The following CALCR variants were observed in gnomAD, a reference collection of about 807,000 sequenced individuals.
CALCR encodes the protein calcitonin receptor.
Under a neutral mutation model 59.5 loss-of-function variants are expected in CALCR, and 47 were observed. The observed-to-expected ratio is 0.79, with a 90% confidence interval of 0.63 to 1.01. CALCR has a LOEUF of 1.01. Ranked by LOEUF, CALCR falls within the 50% of genes least tolerant of loss-of-function variation. The pLI, the probability that CALCR is intolerant of heterozygous loss-of-function variation, is 0.00. For synonymous variants in CALCR, 213 were observed against 211.3 expected (o/e 1.01, Z -0.07); for missense variants, 566 against 597.1 (o/e 0.95, Z 0.54).
At chr7:93,515,403 G>A (rs919779484) in intron 2 of CALCR, among the ~76,000 whole-genome samples, 15 of 152,008 alleles carry the variant, frequency 9.9e-5, no homozygotes, top group African/African-American at 1.4e-4. Flanking sequence ...GGGACCTTTC[G>A]TTTTGACCAA....
chr7:93,568,509 TTCTCTCTCTCTCTCTCTCTC>T lies in CALCR; in HGVS notation c.-27+5760_-27+5779del, dbSNP rs4015269. Among the ~76,000 whole-genome samples the T allele has an allele frequency of 7.7e-3, 784 of 102,432 alleles. 13 individuals are homozygous for T. The highest frequency in any genetic ancestry group is 0.029 in the African/African-American group (722 of 25,090). The allele number at this position is 102,432 out of a possible 152,430, so 67.2% of individuals were successfully genotyped here. ...CCTCCCTGGTTTCCATAAAATTACTTTCTCTCTCTCTCTCTCTCTCTCTCTCTCTCTCTCTCTCTCTCTCT... is the reference window on the plus strand; with the variant it reads ...CCTCCCTGGTTTCCATAAAATTACTTTCTCTCTCTCTCTCTCTCTCTCTCT... On this transcript the variant is annotated intron_variant, in intron 2 of 13. Coordinates refer to ENST00000426151, the MANE Select transcript of CALCR (RefSeq NM_001742.4).
intron 2 of CALCR, among the ~76,000 whole-genome samples, chr7:93,505,181 A>C (rs2116018834): frequency 6.6e-6 from 1 of 152,308 alleles, no homozygotes; most frequent in Non-Finnish European, 1.5e-5. Context: ...AAGCCTATAA[A>C]AACTCAGTAG....
At chr7:93,462,014 G>C (rs1584554673) in intron 7 of CALCR, 1 of 1,090,522 alleles carries the variant, frequency 9.2e-7, no homozygotes, top group Middle Eastern at 2.0e-4. Flanking sequence ...ATTTTGAAAA[G>C]GAAATTCTGG....
chr7:93,523,010 A>C (rs1182594239), intron 2 of CALCR, among the ~76,000 whole-genome samples: 2 of 152,160 alleles, frequency 1.3e-5, no homozygotes, highest in East Asian at 3.8e-4. Flanking sequence ...TATTAAAGTT[A>C]ATGTTTTAAA....
At position 93,464,332 on chromosome 7, in the gene CALCR, T is replaced by C. The variant is rs191672609; in HGVS notation, c.522-3385A>G. 1.9e-3 allele frequency among the ~76,000 whole-genome samples: 283 copies of C among 152,086 alleles called. 1 individual carries two copies. Among genetic ancestry groups the C allele is most frequent in the African/African-American group, 6.6e-3 (272 of 41,524 alleles). ...ATAGTCACATTCAAAGCAAACAAAG[T>C]AGCAAAAAGAAAACAAGTAAAAGTT... On this transcript the variant is annotated intron_variant, in intron 7 of 13. Transcript: ENST00000426151.
intron 2 of CALCR, among the ~76,000 whole-genome samples, chr7:93,490,144 C>T (rs965641898): frequency 1.3e-5 from 2 of 151,856 alleles, no homozygotes; most frequent in Admixed American, 1.3e-4. Context: ...ATAAACAGAA[C>T]CCAAGACAAA....
At chr7:93,454,028 A>T (rs1800159876) in intron 8 of CALCR, among the ~76,000 whole-genome samples, 1 of 152,028 alleles carries the variant, frequency 6.6e-6, no homozygotes, top group Admixed American at 6.6e-5. Flanking sequence ...TTTCGTTCCC[A>T]ATCTAGTTTT....
intron 13 of CALCR, among the ~76,000 whole-genome samples, chr7:93,432,109 T>C (rs1481017441): frequency 6.6e-6 from 1 of 152,212 alleles, no homozygotes; most frequent in Non-Finnish European, 1.5e-5. Context: ...ACTCTCTATA[T>C]AATTCATTTT....
chr7:93,532,713 A>G (rs1271328963), intron 2 of CALCR, among the ~76,000 whole-genome samples: 2 of 151,744 alleles, frequency 1.3e-5, no homozygotes, highest in African/African-American at 4.8e-5. Flanking sequence ...ATTGTGGCCT[A>G]TGGAAGCAAT....
chr7:93,454,917 TGTGTG>T (rs1800179621), intron 8 of CALCR, among the ~76,000 whole-genome samples: 6 of 17,310 alleles, frequency 3.5e-4, no homozygotes, highest in African/African-American at 1.1e-3. Flanking sequence ...CAGGGCATTT[TGTGTG>T]TGTGTGTGTG....
At chr7:93,433,088 T>C (rs1441934776) in intron 13 of CALCR, among the ~76,000 whole-genome samples, 2 of 152,070 alleles carry the variant, frequency 1.3e-5, no homozygotes, top group Non-Finnish European at 2.9e-5. Flanking sequence ...ATGTAATAAC[T>C]AAAATGGAGA....
intron 2 of CALCR, among the ~76,000 whole-genome samples, chr7:93,525,137 C>CA (rs138438965): frequency 0.088 from 13,026 of 147,188 alleles, 617 homozygotes; most frequent in African/African-American, 0.1. Context: ...CTCAGGGAAA[C>CA]AAAAAATGAT....
chr7:93,489,534 A>C (rs1801027428), intron 2 of CALCR, among the ~76,000 whole-genome samples: 1 of 151,752 alleles, frequency 6.6e-6, no homozygotes, highest in African/African-American at 2.4e-5. Flanking sequence ...CTAATAAAGA[A>C]GAAAAGAGAG....
At chr7:93,537,275 C>A (rs1004223632) in intron 2 of CALCR, among the ~76,000 whole-genome samples, 1 of 151,714 alleles carries the variant, frequency 6.6e-6, no homozygotes, top group African/African-American at 2.4e-5. Context: ...TCATTGCCAC[C>A]ATCTTCTAAT....
chr7:93,468,669 T>C, intron 7 of CALCR, 46 bp downstream of exon 7: 1 of 1,337,460 alleles, frequency 7.5e-7, no homozygotes, highest in Non-Finnish European at 1.1e-6. Context: ...TTCGTTTCAG[T>C]AACTTAAAGG....
chr7:93,550,912 C>A (rs1350024984), intron 2 of CALCR, among the ~76,000 whole-genome samples: 1 of 152,026 alleles, frequency 6.6e-6, no homozygotes, highest in African/African-American at 2.4e-5. Flanking sequence ...AAGAAGTTTA[C>A]AAAACACATC....
chr7:93,532,838 C>CAAAAAAAAAAAAAAAA (rs57128008), intron 2 of CALCR, among the ~76,000 whole-genome samples: 32 of 95,678 alleles, frequency 3.3e-4, no homozygotes, highest in African/African-American at 1.4e-3. Flanking sequence ...ATGTCCAAAG[C>CAAAAAAAAAAAAAAAA]AAAAAAAAAA....
At chr7:93,507,963 C>G (rs1268361061) in intron 2 of CALCR, among the ~76,000 whole-genome samples, 1 of 151,328 alleles carries the variant, frequency 6.6e-6, no homozygotes, top group Non-Finnish European at 1.5e-5. Flanking sequence ...TTCACATGGA[C>G]CAAGATGAAG....
intron 2 of CALCR, among the ~76,000 whole-genome samples, chr7:93,519,669 C>G (rs1179420779): frequency 1.3e-5 from 2 of 151,958 alleles, no homozygotes; most frequent in Non-Finnish European, 2.9e-5. Context: ...TGTCCCCACC[C>G]AAATCTTATT....
Sources: allele counts gnomAD v4.1 joint callset (sites outside exome capture counted in the v4.1 genomes callset), GRCh38; gene constraint gnomAD v4.1.1; transcripts MANE v1.5; gene names NCBI Gene and HGNC (gene_info 2026-07-23, HGNC 2026-07-21).